Variants in SREK1IP1 observed in about 807,000 individuals in gnomAD.
The protein encoded by SREK1IP1 is protein SREK1IP1.
SREK1IP1 carries 12 observed loss-of-function variants against 22.8 expected under a neutral mutation model. The observed-to-expected ratio is 0.53, with a 90% CI of 0.34 to 0.85. The LOEUF (loss-of-function observed/expected upper bound fraction) is 0.85. Ranked by LOEUF, SREK1IP1 falls within the 40% of genes least tolerant of loss-of-function variation. The pLI is 0.02. For missense variants in SREK1IP1, 147 were observed against 171.8 expected, an observed-to-expected ratio of 0.86 and a Z score of 0.81; for synonymous variants, 53 against 52.7, an observed-to-expected ratio of 1.01 and a Z score of -0.02.
At chr5:64,735,162 GT>G (rs70983645) in intron 3 of SREK1IP1, among the ~76,000 whole-genome samples, 66,411 of 149,490 alleles carry the variant, frequency 0.44, 17,407 homozygotes, top group African/African-American at 0.73. Context: ...TTGTGACAAT[GT>G]TTTTTTTTTA....
chr5:64,725,800 T>C (rs1384446508), intron 4 of SREK1IP1, among the ~76,000 whole-genome samples: 1 of 151,886 alleles, frequency 6.6e-6, no homozygotes, highest in African/African-American at 2.4e-5. Flanking sequence ...CTAAAGCTTC[T>C]TCCCTGCCTG....
chr5:64,768,438 CCCTA>C, intron 1 of SREK1IP1, 63 bp downstream of exon 1: 1 of 1,560,490 alleles, frequency 6.4e-7, no homozygotes, highest in Non-Finnish European at 8.8e-7. Context: ...ACACGCCGCA[CCCTA>C]CCCTACCCTC....
intron 2 of SREK1IP1, among the ~76,000 whole-genome samples, chr5:64,742,480 C>T (rs1471080157): frequency 6.6e-6 from 1 of 152,178 alleles, no homozygotes; most frequent in Non-Finnish European, 1.5e-5. Flanking sequence ...ATGTTCAAAA[C>T]AACCAAGGCT....
At chr5:64,761,598 A>C (rs557405107) in intron 1 of SREK1IP1, among the ~76,000 whole-genome samples, 3 of 152,330 alleles carry the variant, frequency 2.0e-5, no homozygotes, top group South Asian at 4.1e-4. Context: ...AAACATACCT[A>C]AACATTGAAA....
At chr5:64,733,539 G>A (rs1429934519) in intron 3 of SREK1IP1, among the ~76,000 whole-genome samples, 1 of 152,122 alleles carries the variant, frequency 6.6e-6, no homozygotes, top group African/African-American at 2.4e-5. Flanking sequence ...CCAAATGCTA[G>A]TCACTCACAC....
chr5:64,725,244 T>C (rs1380243307), intron 4 of SREK1IP1, among the ~76,000 whole-genome samples: 1 of 151,776 alleles, frequency 6.6e-6, no homozygotes, highest in Non-Finnish European at 1.5e-5. Flanking sequence ...ATTGAAAAAA[T>C]TGGTTCAATT....
intron 3 of SREK1IP1, among the ~76,000 whole-genome samples, chr5:64,733,762 TAAAC>T (rs1260717141): frequency 1.3e-5 from 2 of 152,030 alleles, no homozygotes; most frequent in East Asian, 1.9e-4. Flanking sequence ...ACTTAATACT[TAAAC>T]AAACAGTAGT....
At chr5:64,765,151 G>A (rs1743013511) in intron 1 of SREK1IP1, 1 of 152,180 alleles carries the variant, frequency 6.6e-6, no homozygotes, top group East Asian at 1.9e-4. Context: ...TTTTTTCAAA[G>A]AAAGTAAATT....
Position 64,755,219 on chromosome 5 carries a change from C to CAA in SREK1IP1, c.14-859_14-858dup, listed in dbSNP as rs138859399. Among the ~76,000 whole-genome samples, 134 of 142,890 alleles carry CAA rather than the reference C, an allele frequency of 9.4e-4. 1 individual carries two copies. Among genetic ancestry groups the CAA allele is most frequent in the East Asian group, 4.1e-3 (20 of 4,930 alleles). The allele number at this position is 142,890 out of a possible 152,430, so 93.7% of individuals were successfully genotyped here. A position where few individuals can be genotyped will look rare whatever the true frequency, so the allele number is the denominator to read the frequency against. On this transcript the variant is annotated intron_variant, in intron 1 of 4. Transcript: ENST00000513458. Reference sequence around the variant, plus strand: ...GCAATTCCATTACTGGGTATATATCCAAAAAAAAAAAAAATCATTTTACCA... The same window carrying CAA: ...GCAATTCCATTACTGGGTATATATCCAAAAAAAAAAAAAAAATCATTTTACCA...
At chr5:64,735,344 T>G (rs1041388601) in intron 3 of SREK1IP1, among the ~76,000 whole-genome samples, 1 of 152,076 alleles carries the variant, frequency 6.6e-6, no homozygotes, top group Middle Eastern at 3.2e-3. Context: ...TTTCTTTTCT[T>G]GTAATATCTT....
intron 3 of SREK1IP1, among the ~76,000 whole-genome samples, chr5:64,732,817 A>G (rs1445594176): frequency 6.6e-6 from 1 of 152,168 alleles, no homozygotes; most frequent in South Asian, 2.1e-4. Flanking sequence ...ATATGAATAA[A>G]GACTATGTGG....
At chr5:64,730,592 G>GATATAT (rs377266925) in intron 3 of SREK1IP1, among the ~76,000 whole-genome samples, 8 of 151,706 alleles carry the variant, frequency 5.3e-5, no homozygotes, top group African/African-American at 1.9e-4. Context: ...AAGAAAGATG[G>GATATAT]ATATATATAT....
chr5:64,746,721 CAGCCA>C (rs1176949324), intron 2 of SREK1IP1, among the ~76,000 whole-genome samples: 12 of 152,184 alleles, frequency 7.9e-5, no homozygotes, highest in Admixed American at 7.9e-4. Context: ...TCCACACCAA[CAGCCA>C]GTTCTCCAAC....
intron 1 of SREK1IP1, among the ~76,000 whole-genome samples, chr5:64,767,243 C>G (rs1399137447): frequency 1.3e-5 from 2 of 152,224 alleles, no homozygotes; most frequent in African/African-American, 4.8e-5. Flanking sequence ...TTTGGAAAGT[C>G]CTTCTGCCCA....
chr5:64,737,359 A>G (rs952318103), intron 3 of SREK1IP1, among the ~76,000 whole-genome samples: 1 of 152,118 alleles, frequency 6.6e-6, no homozygotes, highest in African/African-American at 2.4e-5. Flanking sequence ...GAAGAAATCA[A>G]AAGAGAAATT....
chr5:64,768,048 T>C (rs1310884006), intron 1 of SREK1IP1, among the ~76,000 whole-genome samples: 1 of 152,164 alleles, frequency 6.6e-6, no homozygotes, highest in African/African-American at 2.4e-5. Flanking sequence ...ACGGAGCAGC[T>C]ACATACAACA....
At chr5:64,731,304 C>CAT (rs1458312140) in intron 3 of SREK1IP1, among the ~76,000 whole-genome samples, 1 of 151,578 alleles carries the variant, frequency 6.6e-6, no homozygotes, top group Non-Finnish European at 1.5e-5. Flanking sequence ...GCATAAGACT[C>CAT]AGAGTTCGAA....
chr5:64,755,947 C>T (rs1166979131), intron 1 of SREK1IP1, among the ~76,000 whole-genome samples: 1 of 151,710 alleles, frequency 6.6e-6, no homozygotes, highest in Non-Finnish European at 1.5e-5. Flanking sequence ...GGTGAAATTC[C>T]AGAACATTTA....
At chr5:64,751,597 A>G (rs6887515) in intron 2 of SREK1IP1, among the ~76,000 whole-genome samples, 10,161 of 152,236 alleles carry the variant, frequency 0.067, 1,107 homozygotes, top group African/African-American at 0.23. Flanking sequence ...CTGTCCTACC[A>G]TTGTAGGACG....
Sources: allele counts gnomAD v4.1 joint callset (sites outside exome capture counted in the v4.1 genomes callset), GRCh38; gene constraint gnomAD v4.1.1; transcripts MANE v1.5; gene names NCBI Gene and HGNC (gene_info 2026-07-23, HGNC 2026-07-21).